MSRA: variants seen among roughly 807,000 people sequenced by gnomAD.
MSRA encodes the protein mitochondrial peptide methionine sulfoxide reductase.
Under a neutral mutation model 31.3 loss-of-function variants are expected in MSRA, and 54 were observed. The ratio of observed to expected loss-of-function variants is 1.73; its 90% confidence interval spans 1.39 to 2.17. MSRA has a LOEUF of 2.17. Ranked by LOEUF, MSRA falls within the 30% of genes most tolerant of loss-of-function variation. The probability of loss-of-function intolerance (pLI) is 0.00; values close to 1 mark genes in which losing one functional copy is unlikely to be tolerated. For synonymous variants in MSRA, 169 were observed against 116.5 expected (o/e 1.45, Z -2.90); for missense variants, 507 against 300.9 (o/e 1.69, Z -5.07).
At chr8:10,424,541 G>T (rs1197540562) in intron 5 of MSRA, among the ~76,000 whole-genome samples, 1 of 151,676 alleles carries the variant, frequency 6.6e-6, no homozygotes, top group Non-Finnish European at 1.5e-5. Context: ...GTGGGATGGG[G>T]AGAAGGACTC....
At chr8:10,239,732 G>A (rs1812247150) in intron 2 of MSRA, among the ~76,000 whole-genome samples, 1 of 152,226 alleles carries the variant, frequency 6.6e-6, no homozygotes, top group Non-Finnish European at 1.5e-5. Flanking sequence ...AGAGCCAAGA[G>A]TGTGGGAACA....
intron 5 of MSRA, among the ~76,000 whole-genome samples, chr8:10,343,635 T>C (rs1263729958): frequency 2.0e-5 from 3 of 152,206 alleles, no homozygotes; most frequent in African/African-American, 7.2e-5. Context: ...ATTCAACAAA[T>C]GTAAATGTAG....
chr8:10,339,177 A>T (rs1803249483), intron 5 of MSRA, among the ~76,000 whole-genome samples: 1 of 152,178 alleles, frequency 6.6e-6, no homozygotes, highest in Non-Finnish European at 1.5e-5. Flanking sequence ...TTGGCTTTGG[A>T]ATGAAAACTG....
At chr8:10,061,322 C>T (rs116875010) in intron 1 of MSRA, among the ~76,000 whole-genome samples, 1 of 152,210 alleles carries the variant, frequency 6.6e-6, no homozygotes, top group East Asian at 1.9e-4. Context: ...TTAGGAAAGA[C>T]CTGTATTGTC....
rs540349488 is a variant in MSRA at position 10,280,705 on chromosome 8, A to G, written c.332-20829A>G. Among the ~76,000 whole-genome samples, 10 of 152,364 alleles carry G rather than the reference A, an allele frequency of 6.6e-5. No homozygotes were observed. The East Asian group carries it at 1.9e-3, about 29-fold the overall frequency. ...GAGTCATGACAACCTGTGTCCATACAAAAGCCTGTACACAAATATTTATAG... is the reference window on the plus strand; with the variant it reads ...GAGTCATGACAACCTGTGTCCATACGAAAGCCTGTACACAAATATTTATAG... On this transcript the variant is annotated intron_variant, in intron 3 of 5. Coordinates refer to ENST00000317173, the MANE Select transcript of MSRA (RefSeq NM_012331.5).
chr8:10,343,048 C>CAG lies in MSRA; in HGVS notation c.543+23060_543+23061insGA, dbSNP rs1280177003. Among the ~76,000 whole-genome samples, 726 of 75,244 alleles carry CAG rather than the reference C, an allele frequency of 9.6e-3. 2 individuals are homozygous for CAG. Among genetic ancestry groups the CAG allele is most frequent in the South Asian group, 0.046 (85 of 1,844 alleles). The allele number at this position is 75,244 out of a possible 152,430, so 49.4% of individuals were successfully genotyped here. A position where few individuals can be genotyped will look rare whatever the true frequency, so the allele number is the denominator to read the frequency against. On this transcript the variant is annotated intron_variant, in intron 5 of 5. Transcript: ENST00000317173. ...ACACACACACACACACACACACACA[C>CAG]ACACAGACACACACACACACACACA...
At chr8:10,250,463 C>T (rs966751339) in intron 3 of MSRA, 27 of 702,232 alleles carry the variant, frequency 3.8e-5, no homozygotes, top group Admixed American at 8.0e-5. Context: ...TATTCAAAAG[C>T]TTTTAGAAAT....
intron 3 of MSRA, among the ~76,000 whole-genome samples, chr8:10,268,073 A>G (rs923691187): frequency 2.6e-5 from 4 of 152,116 alleles, no homozygotes; most frequent in Non-Finnish European, 5.9e-5. Flanking sequence ...TGTAATTTTT[A>G]TTTATAACTC....
intron 5 of MSRA, among the ~76,000 whole-genome samples, chr8:10,403,849 C>G (rs942790316): frequency 3.1e-4 from 47 of 152,226 alleles, no homozygotes; most frequent in Admixed American, 2.1e-3. Context: ...CTCACCTCTT[C>G]AGGACCTAGG....
chr8:10,085,975 C>G, intron 1 of MSRA, among the ~76,000 whole-genome samples: 1 of 152,140 alleles, frequency 6.6e-6, no homozygotes, highest in Non-Finnish European at 1.5e-5. Flanking sequence ...GCTGGGTGTT[C>G]AGATTGTTTC....
rs150962231 is a variant in MSRA, at chr8:10,243,989, T to C, written c.212-1115T>C. ...ATATATAACTTTATTCAAATTACTT[T>C]TTGGGTTTTGTTGCTTTGGATTTTT... On this transcript the variant is annotated intron_variant, in intron 2 of 5. Transcript: ENST00000317173. Among the ~76,000 whole-genome samples, 1,410 of 152,336 alleles carry C rather than the reference T, an allele frequency of 9.3e-3. 21 individuals carry two copies. Among genetic ancestry groups the C allele is most frequent in the African/African-American group, 0.031 (1,298 of 41,580 alleles).
At chr8:10,292,558 C>T (rs951157759) in intron 3 of MSRA, among the ~76,000 whole-genome samples, 2 of 152,254 alleles carry the variant, frequency 1.3e-5, no homozygotes, top group Admixed American at 6.5e-5. Context: ...CACAGCCACC[C>T]GGTGGGGGAC....
chr8:10,422,672 G>T (rs1808881849), intron 5 of MSRA, among the ~76,000 whole-genome samples: 1 of 152,176 alleles, frequency 6.6e-6, no homozygotes, highest in South Asian at 2.1e-4. Context: ...CTAGGCTCAG[G>T]TCATTCCTCC....
intron 5 of MSRA, among the ~76,000 whole-genome samples, chr8:10,329,737 T>C (rs1802581635): frequency 6.6e-6 from 1 of 151,526 alleles, no homozygotes; most frequent in African/African-American, 2.4e-5. Flanking sequence ...CGTTGTTCAC[T>C]AGGTGGGAGC....
At chr8:10,217,445 C>T (rs187765665) in intron 2 of MSRA, among the ~76,000 whole-genome samples, 4 of 152,350 alleles carry the variant, frequency 2.6e-5, no homozygotes, top group East Asian at 3.9e-4. Context: ...GTATCTAAAA[C>T]AAGCAATGGA....
chr8:10,159,639 C>G (rs888342908), intron 1 of MSRA, among the ~76,000 whole-genome samples: 1 of 146,302 alleles, frequency 6.8e-6, no homozygotes, highest in East Asian at 2.2e-4. Context: ...ACAAGGCTTT[C>G]TAGTAAAGTA....
intron 2 of MSRA, among the ~76,000 whole-genome samples, chr8:10,235,395 A>G (rs996214248): frequency 2.6e-5 from 4 of 152,188 alleles, no homozygotes; most frequent in Non-Finnish European, 4.4e-5. Context: ...CGTGAGATGT[A>G]TCTAGAACAA....
At chr8:10,137,603 C>T (rs1370695699) in intron 1 of MSRA, among the ~76,000 whole-genome samples, 2 of 152,202 alleles carry the variant, frequency 1.3e-5, no homozygotes, top group African/African-American at 2.4e-5. Flanking sequence ...TGTGATGTTG[C>T]AGCTAAAATA....
intron 1 of MSRA, chr8:10,095,813 A>C: frequency 8.1e-7 from 1 of 1,237,248 alleles, no homozygotes; most frequent in Non-Finnish European, 1.0e-6. Flanking sequence ...TAAGGGAAAT[A>C]AAAGCCTTTT....
Sources: allele counts gnomAD v4.1 joint callset (sites outside exome capture counted in the v4.1 genomes callset), GRCh38; gene constraint gnomAD v4.1.1; transcripts MANE v1.5; gene names NCBI Gene and HGNC (gene_info 2026-07-23, HGNC 2026-07-21).